NBAS: variants seen among roughly 807,000 people sequenced by gnomAD.
NBAS encodes the protein NAG/BC035112 fusion.
A neutral mutation model predicts 302.5 loss-of-function variants in NBAS; 219 were observed. The observed-to-expected ratio is 0.72, with a 90% confidence interval of 0.65 to 0.81. NBAS has a LOEUF of 0.81. Among genes scored for constraint, NBAS ranks in the 30% least tolerant of loss-of-function variants. The probability of loss-of-function intolerance (pLI) is 0.00; values close to 1 mark genes in which losing one functional copy is unlikely to be tolerated. For missense variants in NBAS, 2,932 were observed against 2,841.6 expected (o/e 1.03, Z -0.72); for synonymous variants, 1,118 against 1,021.6 (o/e 1.09, Z -1.80).
At chr2:14,937,979 A>G in the NBAS span, among the ~76,000 whole-genome samples, 1 of 152,118 alleles carries the variant, frequency 6.6e-6, no homozygotes, top group African/African-American at 2.4e-5. Flanking sequence ...AAATACAAAA[A>G]TTAGCCGTCA....
chr2:15,325,354 A>G (rs1198823562), intron 38 of NBAS, among the ~76,000 whole-genome samples: 2 of 151,630 alleles, frequency 1.3e-5, no homozygotes, highest in Non-Finnish European at 2.9e-5. Context: ...AACCATGCAT[A>G]TATCTTAATT....
chr2:14,907,858 TCTCTG>T, the NBAS span, among the ~76,000 whole-genome samples: 4 of 152,208 alleles, frequency 2.6e-5, no homozygotes, highest in Non-Finnish European at 5.9e-5. Flanking sequence ...GTGTGAGGAC[TCTCTG>T]TACCCGAACC....
chr2:15,053,838 A>AGAAG, the NBAS span, among the ~76,000 whole-genome samples: 1 of 152,112 alleles, frequency 6.6e-6, no homozygotes, highest in Non-Finnish European at 1.5e-5. Context: ...GACACGTTAG[A>AGAAG]GAAGGAAGGA....
chr2:15,156,773 G>A, the NBAS span, among the ~76,000 whole-genome samples: 12 of 152,192 alleles, frequency 7.9e-5, no homozygotes, highest in Non-Finnish European at 1.6e-4. Context: ...CTGAGTTCAA[G>A]TCCATAAACT....
intron 6 of NBAS, among the ~76,000 whole-genome samples, chr2:15,551,097 G>A (rs1024208992): frequency 6.6e-6 from 1 of 152,130 alleles, no homozygotes; most frequent in African/African-American, 2.4e-5. Flanking sequence ...CAGCAAAACA[G>A]CACATACACG....
chr2:15,116,495 T>A, the NBAS span, among the ~76,000 whole-genome samples: 2 of 145,102 alleles, frequency 1.4e-5, no homozygotes, highest in East Asian at 4.1e-4. Flanking sequence ...GGATTAGGGA[T>A]CCCCCTTATG....
At chr2:15,471,398 T>G (rs1432644976) in intron 16 of NBAS, among the ~76,000 whole-genome samples, 1 of 152,224 alleles carries the variant, frequency 6.6e-6, no homozygotes, top group African/African-American at 2.4e-5. Flanking sequence ...CCATACAACT[T>G]TTTCATGTTA....
At chr2:15,388,499 T>C (rs188025373) in intron 28 of NBAS, among the ~76,000 whole-genome samples, 7 of 152,214 alleles carry the variant, frequency 4.6e-5, no homozygotes, top group South Asian at 2.1e-4. Context: ...ATTTGTGACA[T>C]AGAGGAGTGA....
At chr2:15,219,041 G>A in intron 47 of NBAS, 73 bp from the exon 48 acceptor site, 1 of 1,550,864 alleles carries the variant, frequency 6.4e-7, no homozygotes. Flanking sequence ...AATCAAATGT[G>A]GTCACTGACC....
chr2:14,935,460 G>A, the NBAS span, among the ~76,000 whole-genome samples: 1 of 152,010 alleles, frequency 6.6e-6, no homozygotes, highest in East Asian at 1.9e-4. Flanking sequence ...AACTTGCTTT[G>A]TTGTTCATCT....
chr2:15,430,022 T>C (rs924913823), intron 21 of NBAS, among the ~76,000 whole-genome samples: 1 of 152,186 alleles, frequency 6.6e-6, no homozygotes, highest in Non-Finnish European at 1.5e-5. Flanking sequence ...TAAATAAACC[T>C]AGCAAGCTAT....
At chr2:15,198,844 T>G (rs1337494197) in intron 48 of NBAS, among the ~76,000 whole-genome samples, 1 of 152,090 alleles carries the variant, frequency 6.6e-6, no homozygotes, top group Non-Finnish European at 1.5e-5. Context: ...TTAGAAAAAT[T>G]GGCCGGGCGC....
chr2:15,038,112 CTT>C, the NBAS span, among the ~76,000 whole-genome samples: 23,455 of 117,936 alleles, frequency 0.2, 1,772 homozygotes, highest in Middle Eastern at 0.38. Context: ...TGACTTTATT[CTT>C]TTTTTTTTTT....
At chr2:15,126,220 T>G in the NBAS span, among the ~76,000 whole-genome samples, 6 of 152,288 alleles carry the variant, frequency 3.9e-5, no homozygotes, top group East Asian at 1.2e-3. Context: ...CCATGTGACA[T>G]GCTGGCTCCC....
At chr2:14,790,155 C>G in the NBAS span, among the ~76,000 whole-genome samples, 1 of 152,214 alleles carries the variant, frequency 6.6e-6, no homozygotes, top group Non-Finnish European at 1.5e-5. Context: ...TTAGGGTTCT[C>G]TGAGTCAGGA....
the NBAS span, among the ~76,000 whole-genome samples, chr2:14,855,828 T>C: frequency 6.6e-6 from 1 of 152,294 alleles, no homozygotes; most frequent in African/African-American, 2.4e-5. Flanking sequence ...TGGACCCACT[T>C]AGGGCTTGTG....
intron 24 of NBAS, 135 bp from the exon 25 acceptor site, chr2:15,415,854 C>T (rs772410841): frequency 2.2e-6 from 2 of 901,644 alleles, no homozygotes; most frequent in East Asian, 5.2e-5. Flanking sequence ...CACTCTAAAA[C>T]ACACAGTCCA....
At chr2:15,372,661 C>G (rs1327218174) in intron 31 of NBAS, among the ~76,000 whole-genome samples, 2 of 152,130 alleles carry the variant, frequency 1.3e-5, no homozygotes, top group Non-Finnish European at 2.9e-5. Context: ...TAATAGGAAA[C>G]TCCAAATCAA....
chr2:15,193,818 C>T (rs149172440), intron 48 of NBAS, among the ~76,000 whole-genome samples: 3 of 152,112 alleles, frequency 2.0e-5, no homozygotes, highest in Non-Finnish European at 4.4e-5. Context: ...AAAGGGCTCC[C>T]AGTCTGAACA....
Sources: gnomAD v4.1 joint callset for allele counts (sites outside exome capture counted in the v4.1 genomes callset) on GRCh38, gnomAD v4.1.1 for gene constraint, MANE v1.5 for transcripts, NCBI Gene and HGNC (gene_info 2026-07-23, HGNC 2026-07-21) for gene names.